Variants in DLG2 observed in about 807,000 individuals in gnomAD.
DLG2 encodes the protein discs large MAGUK scaffold protein 2, also known as disks large homolog 2.
Under a neutral mutation model 132.5 loss-of-function variants are expected in DLG2, and 45 were observed. The ratio of observed to expected loss-of-function variants is 0.34; its 90% CI spans 0.27 to 0.44. The LOEUF (loss-of-function observed/expected upper bound fraction) is 0.44. DLG2 is among the 20% of genes least tolerant of loss of function. The pLI, the probability that DLG2 is intolerant of heterozygous loss-of-function variation, is 1.00. For missense variants in DLG2, 1,045 were observed against 1,196.9 expected, an observed-to-expected ratio of 0.87 and a Z score of 1.87; for synonymous variants, 424 against 419.6, an observed-to-expected ratio of 1.01 and a Z score of -0.13.
intron 19 of DLG2, among the ~76,000 whole-genome samples, chr11:83,567,160 G>C (rs2096723026): frequency 1.3e-5 from 2 of 152,022 alleles, no homozygotes; most frequent in Admixed American, 1.3e-4. Context: ...GAGTAATCAG[G>C]GATGACAAAG....
chr11:84,394,712 C>A (rs1320748917), intron 7 of DLG2, among the ~76,000 whole-genome samples: 2 of 151,756 alleles, frequency 1.3e-5, no homozygotes, highest in African/African-American at 4.9e-5. Context: ...ACCTCTGCCT[C>A]CTGGGTTCAA....
intron 16 of DLG2, among the ~76,000 whole-genome samples, chr11:83,853,959 C>G (rs752708965): frequency 2.0e-4 from 30 of 152,038 alleles, no homozygotes; most frequent in Non-Finnish European, 3.5e-4. Flanking sequence ...TCACAGATAA[C>G]ATAATACTCT....
intron 17 of DLG2, among the ~76,000 whole-genome samples, chr11:83,795,382 T>TG (rs1162459610): frequency 6.6e-6 from 1 of 150,620 alleles, no homozygotes; most frequent in African/African-American, 2.5e-5. Context: ...CACTCCAGCC[T>TG]GGGGGACAGA....
intron 3 of DLG2, among the ~76,000 whole-genome samples, chr11:85,468,275 T>C (rs546904324): frequency 3.6e-4 from 55 of 152,338 alleles, no homozygotes; most frequent in South Asian, 2.9e-3. Context: ...CCTGGATTCA[T>C]TGATTTTTTG....
chr11:84,613,758 T>G (rs2099599418), intron 6 of DLG2, among the ~76,000 whole-genome samples: 2 of 152,182 alleles, frequency 1.3e-5, no homozygotes, highest in South Asian at 4.1e-4. Context: ...CAGAACCTAC[T>G]ACTCTAAAAC....
intron 6 of DLG2, among the ~76,000 whole-genome samples, chr11:84,950,528 A>G (rs1203243322): frequency 2.6e-5 from 4 of 152,208 alleles, no homozygotes; most frequent in African/African-American, 4.8e-5. Context: ...CTTTAAATAT[A>G]TATAAATCTA....
chr11:83,993,150 T>C (rs2093817957), intron 11 of DLG2, among the ~76,000 whole-genome samples: 1 of 152,170 alleles, frequency 6.6e-6, no homozygotes, highest in Non-Finnish European at 1.5e-5. Context: ...TAATCTTTCC[T>C]TTTTAACAAA....
chr11:84,669,635 T>C (rs1388289419), intron 6 of DLG2, among the ~76,000 whole-genome samples: 1 of 152,190 alleles, frequency 6.6e-6, no homozygotes, highest in Non-Finnish European at 1.5e-5. Flanking sequence ...AAACCCCTTT[T>C]TCCCCCTACT....
chr11:84,542,692 G>A (rs1565247660), intron 6 of DLG2, among the ~76,000 whole-genome samples: 1 of 151,846 alleles, frequency 6.6e-6, no homozygotes, highest in African/African-American at 2.4e-5. Flanking sequence ...AATTTCAAAG[G>A]GATCCCTAAG....
intron 6 of DLG2, among the ~76,000 whole-genome samples, chr11:84,601,769 C>T (rs937563533): frequency 6.6e-6 from 1 of 151,874 alleles, no homozygotes; most frequent in South Asian, 2.1e-4. Flanking sequence ...TTGTAGTTTA[C>T]AAATTTTCTT....
intron 7 of DLG2, among the ~76,000 whole-genome samples, chr11:84,408,040 G>A (rs1351349733): frequency 6.6e-6 from 1 of 152,110 alleles, no homozygotes; most frequent in Non-Finnish European, 1.5e-5. Context: ...GAAGAACTAG[G>A]AGGAGACAAC....
intron 6 of DLG2, among the ~76,000 whole-genome samples, chr11:84,579,031 C>A (rs2099510138): frequency 6.6e-6 from 1 of 152,144 alleles, no homozygotes; most frequent in Non-Finnish European, 1.5e-5. Flanking sequence ...TCTCTTGCCA[C>A]TGCCATTTAA....
intron 17 of DLG2, among the ~76,000 whole-genome samples, chr11:83,794,750 T>G (rs1182750047): frequency 6.6e-6 from 1 of 152,136 alleles, no homozygotes. Flanking sequence ...CTTACTCAAA[T>G]TTATATGGTG....
intron 15 of DLG2, among the ~76,000 whole-genome samples, chr11:83,900,919 G>C (rs759541109): frequency 6.6e-6 from 1 of 152,134 alleles, no homozygotes; most frequent in Admixed American, 6.5e-5. Context: ...CTGGGAAGGA[G>C]GCTGTACCCT....
chr11:85,421,936 C>T (rs1252378263), intron 3 of DLG2, among the ~76,000 whole-genome samples: 1 of 152,122 alleles, frequency 6.6e-6, no homozygotes, highest in Non-Finnish European at 1.5e-5. Flanking sequence ...ATCTTTCCTT[C>T]ATATATAAAG....
chr11:83,932,392 G>A (rs2080458114), intron 14 of DLG2, among the ~76,000 whole-genome samples: 1 of 149,024 alleles, frequency 6.7e-6, no homozygotes, highest in Non-Finnish European at 1.5e-5. Context: ...CTGCCACCAC[G>A]CCCGGCTAAT....
rs1371435400 is a variant in DLG2 at position 85,614,659 on chromosome 11, G to A, written c.-93+11928C>T. ...CCATCTCCAAATAAATAAAACAAACGTACAGTTCAAGGTGATACCACAAAG... is the reference window on the plus strand; with the variant it reads ...CCATCTCCAAATAAATAAAACAAACATACAGTTCAAGGTGATACCACAAAG... On this transcript the variant is annotated intron_variant, in intron 2 of 27. Coordinates refer to ENST00000376104, the MANE Select transcript of DLG2 (RefSeq NM_001142699.3). Among the ~76,000 whole-genome samples the A allele has an allele frequency of 1.3e-4, 20 of 152,008 alleles. 1 individual carries two copies. Among genetic ancestry groups the A allele is most frequent in the Non-Finnish European group, 1.5e-5 (1 of 67,986 alleles).
chr11:84,950,558 A>T (rs1319765069), intron 6 of DLG2, among the ~76,000 whole-genome samples: 2 of 152,166 alleles, frequency 1.3e-5, no homozygotes, highest in Non-Finnish European at 2.9e-5. Context: ...ATTAACAAAG[A>T]TTTATTGAGC....
chr11:84,641,928 C>T (rs917439734), intron 6 of DLG2, among the ~76,000 whole-genome samples: 10 of 149,984 alleles, frequency 6.7e-5, no homozygotes, highest in East Asian at 6.0e-4. Context: ...GTTATATATA[C>T]ACACACACAC....
Sources: allele counts gnomAD v4.1 joint callset (sites outside exome capture counted in the v4.1 genomes callset), GRCh38; gene constraint gnomAD v4.1.1; transcripts MANE v1.5; gene names NCBI Gene and HGNC (gene_info 2026-07-23, HGNC 2026-07-21).